SPAG16: variants seen among roughly 807,000 people sequenced by gnomAD.
SPAG16 encodes sperm-associated antigen 16 protein.
SPAG16 carries 86 observed loss-of-function variants against 80.4 expected under a neutral mutation model. The observed-to-expected ratio is 1.07, with a 90% CI of 0.90 to 1.28. The LOEUF is 1.28. Ranked by LOEUF, SPAG16 falls within the 50% of genes most tolerant of loss-of-function variation. The pLI is 0.00. For missense variants in SPAG16, 870 were observed against 765.3 expected (o/e 1.14, Z -1.61); for synonymous variants, 294 against 265.9 (o/e 1.11, Z -1.03).
intron 15 of SPAG16, chr2:214,281,036 C>G (rs553626509): frequency 1.2e-5 from 5 of 405,924 alleles, no homozygotes; most frequent in African/African-American, 1.0e-4. Context: ...TCCCTCAGGG[C>G]GCCAGAAACT....
chr2:213,374,224 C>T (rs1412305572), intron 8 of SPAG16, among the ~76,000 whole-genome samples: 1 of 152,134 alleles, frequency 6.6e-6, no homozygotes, highest in Non-Finnish European at 1.5e-5. Context: ...TCTTCCCTGC[C>T]TTTATAATCT....
At chr2:214,402,423 T>C (rs1414990226) in intron 15 of SPAG16, among the ~76,000 whole-genome samples, 1 of 152,046 alleles carries the variant, frequency 6.6e-6, no homozygotes, top group Non-Finnish European at 1.5e-5. Context: ...CAAATTAATT[T>C]TGTCTTTTCT....
intron 10 of SPAG16, among the ~76,000 whole-genome samples, chr2:213,704,991 G>A (rs190478060): frequency 2.0e-5 from 3 of 152,282 alleles, no homozygotes; most frequent in South Asian, 2.1e-4. Flanking sequence ...ATGGGCTTGC[G>A]CCTGTAATCC....
intron 15 of SPAG16, among the ~76,000 whole-genome samples, chr2:214,268,199 C>G (rs1691725902): frequency 6.6e-6 from 1 of 151,694 alleles, no homozygotes; most frequent in Non-Finnish European, 1.5e-5. Flanking sequence ...GAAAAGGGAA[C>G]CCTCATACAC....
chr2:214,042,382 T>C (rs2049082030), intron 13 of SPAG16, among the ~76,000 whole-genome samples: 2 of 151,968 alleles, frequency 1.3e-5, no homozygotes. Context: ...CTGCAGTTAC[T>C]TTTGCCCCAA....
chr2:213,653,590 A>C (rs2125154053), intron 10 of SPAG16, among the ~76,000 whole-genome samples: 1 of 152,336 alleles, frequency 6.6e-6, no homozygotes, highest in Non-Finnish European at 1.5e-5. Flanking sequence ...TGTTTTATGA[A>C]TTTCTACTTA....
intron 7 of SPAG16, 50 bp downstream of exon 7, chr2:213,350,695 T>A (rs2065278538): frequency 1.9e-6 from 2 of 1,059,384 alleles, no homozygotes; most frequent in African/African-American, 1.6e-5. Context: ...ATCATTTTTT[T>A]AATAATACAA....
Position 213,505,624 on chromosome 2 carries a change from A to T in SPAG16, c.1070+15534A>T, listed in dbSNP as rs894753719. Among the ~76,000 whole-genome samples the T allele has an allele frequency of 4.6e-5, 7 of 152,164 alleles. No individual in the cohort carries two copies. The South Asian group carries it at 1.4e-3, about 31-fold the overall frequency. On this transcript the variant is annotated intron_variant, in intron 10 of 15. Coordinates refer to ENST00000331683, the MANE Select transcript of SPAG16 (RefSeq NM_024532.5). Reference sequence around the variant, plus strand: ...ACTTGTGGCAGCTTTGTATTTAGAGATAATGATGTTTAATTGGGTGTTTTT... The same window carrying T: ...ACTTGTGGCAGCTTTGTATTTAGAGTTAATGATGTTTAATTGGGTGTTTTT...
At chr2:213,602,307 A>G (rs966931125) in intron 10 of SPAG16, among the ~76,000 whole-genome samples, 1 of 152,202 alleles carries the variant, frequency 6.6e-6, no homozygotes, top group African/African-American at 2.4e-5. Context: ...TATAATTTAA[A>G]ATAACAGTGG....
At chr2:213,642,523 A>G (rs1213241739) in intron 10 of SPAG16, among the ~76,000 whole-genome samples, 1 of 151,996 alleles carries the variant, frequency 6.6e-6, no homozygotes, top group Non-Finnish European at 1.5e-5. Context: ...GTGGGTTGGG[A>G]AAGGCAGACC....
intron 10 of SPAG16, among the ~76,000 whole-genome samples, chr2:213,822,002 C>T (rs1309550693): frequency 6.6e-6 from 1 of 152,178 alleles, no homozygotes; most frequent in African/African-American, 2.4e-5. Flanking sequence ...AACAGTGCTG[C>T]ACAAACATGG....
intron 15 of SPAG16, among the ~76,000 whole-genome samples, chr2:214,159,002 G>A (rs185391331): frequency 2.7e-3 from 405 of 151,982 alleles, no homozygotes; most frequent in Middle Eastern, 0.01. Flanking sequence ...AAATTCAAAA[G>A]ATTTGTATCT....
intron 9 of SPAG16, among the ~76,000 whole-genome samples, chr2:213,376,584 A>G (rs1351522217): frequency 6.6e-6 from 1 of 151,930 alleles, no homozygotes; most frequent in Admixed American, 6.6e-5. Context: ...ATAACAAATG[A>G]CTGAGTTCTG....
chr2:213,399,273 C>G (rs1191832541), intron 9 of SPAG16, among the ~76,000 whole-genome samples: 1 of 151,922 alleles, frequency 6.6e-6, no homozygotes, highest in Non-Finnish European at 1.5e-5. Context: ...TATTCTTTAT[C>G]AAGTTGAAAA....
chr2:213,471,505 T>C (rs747336663), intron 9 of SPAG16, among the ~76,000 whole-genome samples: 2 of 152,176 alleles, frequency 1.3e-5, no homozygotes, highest in Admixed American at 1.3e-4. Context: ...GACCAACATC[T>C]GTCTCTCAAA....
chr2:213,548,205 T>C (rs552121426), intron 10 of SPAG16, among the ~76,000 whole-genome samples: 21 of 152,304 alleles, frequency 1.4e-4, no homozygotes, highest in Non-Finnish European at 2.6e-4. Flanking sequence ...AAATTGATAG[T>C]TTATTTCCTT....
At chr2:213,580,330 G>T (rs988331352) in intron 10 of SPAG16, among the ~76,000 whole-genome samples, 1 of 151,846 alleles carries the variant, frequency 6.6e-6, no homozygotes, top group Non-Finnish European at 1.5e-5. Context: ...TTATATCTTT[G>T]GATCTTCATT....
chr2:213,548,329 C>T (rs1293957939), intron 10 of SPAG16, among the ~76,000 whole-genome samples: 2 of 152,146 alleles, frequency 1.3e-5, no homozygotes, highest in Non-Finnish European at 2.9e-5. Flanking sequence ...TCTCCTGCCT[C>T]AGCCTCGCGG....
intron 12 of SPAG16, among the ~76,000 whole-genome samples, chr2:213,951,896 T>G (rs2079801494): frequency 6.6e-6 from 1 of 152,116 alleles, no homozygotes; most frequent in Non-Finnish European, 1.5e-5. Context: ...GACACACAAC[T>G]ATATTGGTAC....
Sources: gnomAD v4.1 joint callset for allele counts (sites outside exome capture counted in the v4.1 genomes callset) on GRCh38, gnomAD v4.1.1 for gene constraint, MANE v1.5 for transcripts, NCBI Gene and HGNC (gene_info 2026-07-23, HGNC 2026-07-21) for gene names.